The following CRYBG3 variants were observed in gnomAD, a reference collection of about 807,000 sequenced individuals.
CRYBG3 encodes very large A-kinase anchor protein.
CRYBG3 carries 127 observed loss-of-function variants against 244.2 expected under a neutral mutation model. The observed-to-expected ratio is 0.52, with a 90% CI of 0.45 to 0.60. The LOEUF is 0.60. CRYBG3 is among the 20% of genes least tolerant of loss of function. CRYBG3 has a pLI of 0.00. For missense variants in CRYBG3, 3,325 were observed against 3,442.5 expected (o/e 0.97, Z 0.85); for synonymous variants, 1,132 against 1,195.8 (o/e 0.95, Z 1.10).
chr3:97,912,628 T>A (rs949169912), intron 16 of CRYBG3, among the ~76,000 whole-genome samples: 2 of 152,190 alleles, frequency 1.3e-5, no homozygotes, highest in African/African-American at 4.8e-5. Flanking sequence ...GACATATTAA[T>A]CCTAATTTTT....
chr3:97,864,000 A>G (rs2039188704), intron 2 of CRYBG3, among the ~76,000 whole-genome samples: 1 of 152,132 alleles, frequency 6.6e-6, no homozygotes, highest in Admixed American at 6.6e-5. Context: ...CCATGTGTGC[A>G]GTACTTCTCC....
chr3:97,933,771 G>A lies in CRYBG3; in HGVS notation c.8319G>A (p.Val2773=). ...GAGAGTTACATCTAGAAGAGGCTGT[G>A]AACTCTGTTCTGAACAAGGACCTAC... ...EGRELHLEEA[V]NSVLNKDLHF... is the part of the protein sequence containing the mutation. The change falls in exon 18 of 22, where the codon GTG becomes GTA. Residue 2773 remains valine, a synonymous_variant. Coordinates refer to ENST00000389622, the MANE Select transcript of CRYBG3 (RefSeq NM_153605.4). The A allele has an allele frequency of 6.2e-7, 1 of 1,612,556 alleles. No individual in the cohort carries two copies. Among genetic ancestry groups the A allele is most frequent in the Non-Finnish European group, 8.5e-7 (1 of 1,178,888 alleles).
Position 97,873,034 on chromosome 3 carries a change from G to A in CRYBG3, c.1840G>A (p.Glu614Lys). ...TGAAAATGCACCTGAGTTGAAATTT[G>A]AACTTAATAGAAGTCACATTTCAGA... The part of the protein sequence containing the change: ...GNENAPELKF[E>K]LNRSHISETP... Residue 614 changes from glutamate to lysine, a missense_variant, in exon 4 of 22, where the codon GAA (glutamate) becomes AAA (lysine). This residue lies in a region of CRYBG3 where 1,526 missense variants were observed against 1,443.2 expected (regional missense o/e 1.06). Coordinates refer to ENST00000389622, the MANE Select transcript of CRYBG3 (RefSeq NM_153605.4). 6.5e-7 allele frequency: 1 copy of A among 1,535,408 alleles called. No individual in the cohort carries two copies. Among genetic ancestry groups the A allele is most frequent in the Non-Finnish European group, 8.7e-7 (1 of 1,146,698 alleles).
chr3:97,905,870 G>C (rs2039767925), intron 15 of CRYBG3, among the ~76,000 whole-genome samples: 1 of 130,264 alleles, frequency 7.7e-6, no homozygotes, highest in Non-Finnish European at 1.7e-5. Context: ...GGGTTTTTAT[G>C]GTTTTAGGTC....
At chr3:97,919,324 T>C (rs2039959652) in intron 17 of CRYBG3, among the ~76,000 whole-genome samples, 1 of 152,138 alleles carries the variant, frequency 6.6e-6, no homozygotes, top group Non-Finnish European at 1.5e-5. Flanking sequence ...GGAAATTTAA[T>C]TTAATCATAC....
intron 12 of CRYBG3, among the ~76,000 whole-genome samples, chr3:97,897,551 G>T (rs539939657): frequency 3.9e-5 from 6 of 152,006 alleles, no homozygotes; most frequent in Non-Finnish European, 8.8e-5. Context: ...GAAAAGCAGC[G>T]ATGGTAGTAA....
intron 17 of CRYBG3, among the ~76,000 whole-genome samples, chr3:97,923,748 A>C (rs896384116): frequency 1.3e-5 from 2 of 152,126 alleles, no homozygotes; most frequent in African/African-American, 4.8e-5. Context: ...TTATAAATAA[A>C]TCTAACACAA....
chr3:97,852,152 G>C (rs1001780911), intron 2 of CRYBG3, among the ~76,000 whole-genome samples: 5 of 152,118 alleles, frequency 3.3e-5, no homozygotes, highest in African/African-American at 1.2e-4. Context: ...TTGAGTCTGT[G>C]GGCAAGAGAT....
intron 15 of CRYBG3, among the ~76,000 whole-genome samples, chr3:97,910,696 A>G (rs905993755): frequency 1.3e-5 from 2 of 152,150 alleles, no homozygotes; most frequent in Admixed American, 1.3e-4. Context: ...AAATGCAGAA[A>G]TCACCGTCTT....
intron 4 of CRYBG3, among the ~76,000 whole-genome samples, chr3:97,879,033 C>A (rs1343605001): frequency 1.3e-5 from 2 of 152,120 alleles, no homozygotes; most frequent in African/African-American, 4.8e-5. Flanking sequence ...TACTCAAAGA[C>A]CAACCAAAAC....
chr3:97,880,855 T>C (rs2039436963), intron 6 of CRYBG3, among the ~76,000 whole-genome samples: 1 of 152,212 alleles, frequency 6.6e-6, no homozygotes, highest in Non-Finnish European at 1.5e-5. Context: ...GTTCAGAAAG[T>C]ATTTTTATTT....
intron 19 of CRYBG3, among the ~76,000 whole-genome samples, chr3:97,938,031 T>C (rs1019622549): frequency 6.6e-6 from 1 of 152,010 alleles, no homozygotes; most frequent in Non-Finnish European, 1.5e-5. Flanking sequence ...GGAGGTTTCA[T>C]GGAAGGTGGA....
chr3:97,932,239 G>A (rs890138925), intron 17 of CRYBG3, among the ~76,000 whole-genome samples: 26 of 151,884 alleles, frequency 1.7e-4, no homozygotes, highest in African/African-American at 6.3e-4. Context: ...TCTGCAAATG[G>A]TAGTGTATGA....
At chr3:97,933,462 G>A (rs1575975110) in intron 17 of CRYBG3, 1 of 583,832 alleles carries the variant, frequency 1.7e-6, no homozygotes. Context: ...TTTTTATTAT[G>A]AGATTGATTG....
chr3:97,912,877 G>A (rs971780558), intron 16 of CRYBG3, among the ~76,000 whole-genome samples: 1 of 151,556 alleles, frequency 6.6e-6, no homozygotes, highest in Admixed American at 6.6e-5. Flanking sequence ...TTTTTTTATT[G>A]TGCTAAAATA....
intron 2 of CRYBG3, among the ~76,000 whole-genome samples, chr3:97,855,108 GT>G: frequency 6.6e-6 from 1 of 151,956 alleles, no homozygotes; most frequent in East Asian, 1.9e-4. Context: ...TGATCAAAAG[GT>G]TTTTATCCTT....
chr3:97,855,492 T>C (rs542774003), intron 2 of CRYBG3, among the ~76,000 whole-genome samples: 25 of 152,292 alleles, frequency 1.6e-4, no homozygotes, highest in Non-Finnish European at 2.6e-4. Flanking sequence ...GGGAGACTTT[T>C]TATTACTTAT....
At chr3:97,836,264 G>T (rs951134620) in intron 1 of CRYBG3, among the ~76,000 whole-genome samples, 4 of 152,012 alleles carry the variant, frequency 2.6e-5, no homozygotes, top group Non-Finnish European at 5.9e-5. Flanking sequence ...TCATTCAACT[G>T]CCAGATGTTT....
rs1262688621 is a variant in CRYBG3, at chr3:97,875,152, T to C, written c.3958T>C (p.Leu1320=). The part of the protein sequence containing the change: ...NEIIYVAQEK[L]RNDTFEDTED... The stretch of plus-strand genomic sequence containing the variant: ...GATTATTTATGTAGCCCAAGAAAAA[T>C]TGAGAAATGATACTTTTGAAGATAC... The change falls in exon 4 of 22, where the codon TTG becomes CTG. Residue 1320 remains leucine, a synonymous_variant. Transcript: ENST00000389622. The C allele has an allele frequency of 2.1e-5, 33 of 1,535,144 alleles. No homozygotes were observed. The highest frequency in any genetic ancestry group is 2.8e-5 in the Non-Finnish European group (32 of 1,146,460).
Sources: gnomAD v4.1 joint callset for allele counts (sites outside exome capture counted in the v4.1 genomes callset) on GRCh38, gnomAD v4.1.1 for gene constraint, gnomAD v4.1.1 regional missense constraint, MANE v1.5 for transcripts, NCBI Gene and HGNC (gene_info 2026-07-23, HGNC 2026-07-21) for gene names.